The following TGFB2 variants were observed in gnomAD, a reference collection of about 807,000 sequenced individuals.
TGFB2 encodes the protein transforming growth factor beta 2.
In TGFB2, 13 loss-of-function variants were observed where a neutral mutation model predicts 42.7. The ratio of observed to expected loss-of-function variants is 0.30; its 90% CI spans 0.20 to 0.48. The LOEUF (loss-of-function observed/expected upper bound fraction) is 0.48. Ranked by LOEUF, TGFB2 falls within the 20% of genes least tolerant of loss-of-function variation. The pLI, the probability that TGFB2 is intolerant of heterozygous loss-of-function variation, is 0.99. For missense variants in TGFB2, 390 were observed against 517.5 expected, an observed-to-expected ratio of 0.75 and a Z score of 2.39; for synonymous variants, 193 against 193.6, an observed-to-expected ratio of 1.00 and a Z score of 0.03.
chr1:218,416,654 C>G (rs958496504), intron 2 of TGFB2, among the ~76,000 whole-genome samples: 1 of 152,346 alleles, frequency 6.6e-6, no homozygotes, highest in East Asian at 1.9e-4. Flanking sequence ...TTGTCCCTCA[C>G]CTGGGCCATG....
chr1:218,403,447 T>C (rs571775476), intron 1 of TGFB2, among the ~76,000 whole-genome samples: 53 of 152,346 alleles, frequency 3.5e-4, no homozygotes, highest in African/African-American at 1.2e-3. Context: ...GTTCCTAGCA[T>C]CTTTTTTTCT....
chr1:218,410,552 C>T (rs966568508), intron 2 of TGFB2, among the ~76,000 whole-genome samples: 2 of 152,196 alleles, frequency 1.3e-5, no homozygotes, highest in Non-Finnish European at 2.9e-5. Flanking sequence ...TCAAGATAGG[C>T]TTCCCATGTA....
chr1:218,422,100 ACT>A (rs1659472273), intron 2 of TGFB2, among the ~76,000 whole-genome samples: 1 of 151,886 alleles, frequency 6.6e-6, no homozygotes, highest in African/African-American at 2.4e-5. Context: ...TATCAAGCCA[ACT>A]CTCCCTAAAT....
At chr1:218,412,192 T>C (rs894152204) in intron 2 of TGFB2, among the ~76,000 whole-genome samples, 2 of 152,200 alleles carry the variant, frequency 1.3e-5, no homozygotes, top group Non-Finnish European at 2.9e-5. Context: ...ATAAGTGATA[T>C]CTGTCTATGA....
In TGFB2 at chr1:218,405,152, G is replaced by GC; in HGVS notation, c.347-14dup. Reference sequence around the variant, plus strand: ...ATGGATTTTATCATTTTCAATGATTGCCCTAATTTTTTACAGATGCCATCC... The same window carrying GC: ...ATGGATTTTATCATTTTCAATGATTGCCCCTAATTTTTTACAGATGCCATCC... On this transcript the variant is annotated splice_polypyrimidine_tract_variant and intron_variant, in intron 1 of 6. Coordinates refer to ENST00000366930, the MANE Select transcript of TGFB2 (RefSeq NM_003238.6). 1 of 1,557,918 alleles carries GC rather than the reference G, an allele frequency of 6.4e-7. No homozygotes were observed. The highest frequency in any genetic ancestry group is 1.2e-5 in the South Asian group (1 of 82,086).
intron 2 of TGFB2, among the ~76,000 whole-genome samples, chr1:218,410,894 C>T (rs536504524): frequency 5.9e-5 from 9 of 152,304 alleles, no homozygotes; most frequent in African/African-American, 2.2e-4. Context: ...GGAGAATTCT[C>T]TTCAAGTTGA....
chr1:218,397,011 T>C (rs1247913643), intron 1 of TGFB2, among the ~76,000 whole-genome samples: 1 of 152,208 alleles, frequency 6.6e-6, no homozygotes, highest in Non-Finnish European at 1.5e-5. Flanking sequence ...CTCACGCCTG[T>C]AATCCCAGCA....
intron 1 of TGFB2, among the ~76,000 whole-genome samples, chr1:218,400,838 C>A (rs1658690195): frequency 6.6e-6 from 1 of 151,996 alleles, no homozygotes. Flanking sequence ...AAAACAGTGG[C>A]CACTGGGCGG....
At chr1:218,348,285 T>C (rs776827207) in intron 1 of TGFB2, among the ~76,000 whole-genome samples, 4 of 152,190 alleles carry the variant, frequency 2.6e-5, no homozygotes, top group Admixed American at 6.5e-5. Flanking sequence ...GCTGGCTGCC[T>C]TTGCAAAGTC....
At chr1:218,359,212 T>C (rs1657135742) in intron 1 of TGFB2, among the ~76,000 whole-genome samples, 1 of 152,196 alleles carries the variant, frequency 6.6e-6, no homozygotes, top group East Asian at 1.9e-4. Flanking sequence ...TCTGTTAAAC[T>C]TCACCACCCT....
intron 1 of TGFB2, among the ~76,000 whole-genome samples, chr1:218,381,505 C>T (rs781126457): frequency 8.5e-5 from 13 of 152,068 alleles, no homozygotes; most frequent in African/African-American, 2.7e-4. Context: ...CCACCCGCCT[C>T]GGCCTCCCAA....
At chr1:218,391,485 T>A (rs1391591013) in intron 1 of TGFB2, among the ~76,000 whole-genome samples, 1 of 152,218 alleles carries the variant, frequency 6.6e-6, no homozygotes, top group East Asian at 1.9e-4. Context: ...TTGTTCCTTA[T>A]CTGTGAGTTT....
At chr1:218,402,554 G>T (rs879291678) in intron 1 of TGFB2, among the ~76,000 whole-genome samples, 2 of 152,064 alleles carry the variant, frequency 1.3e-5, no homozygotes, top group African/African-American at 4.8e-5. Flanking sequence ...GAAAAAAATG[G>T]TCCAAAGTTT....
At chr1:218,383,445 C>T (rs550401955) in intron 1 of TGFB2, among the ~76,000 whole-genome samples, 268 of 152,126 alleles carry the variant, frequency 1.8e-3, no homozygotes, top group African/African-American at 6.3e-3. Flanking sequence ...TTTTAAAATG[C>T]AATAATAGGG....
intron 1 of TGFB2, among the ~76,000 whole-genome samples, chr1:218,402,983 G>C (rs1206608046): frequency 1.3e-5 from 2 of 152,186 alleles, no homozygotes; most frequent in Non-Finnish European, 2.9e-5. Context: ...TCCAATCATG[G>C]GGGCGGGCAT....
chr1:218,415,700 A>AG (rs1491223510), intron 2 of TGFB2, among the ~76,000 whole-genome samples: 1 of 83,810 alleles, frequency 1.2e-5, no homozygotes, highest in Non-Finnish European at 2.3e-5. Context: ...GTCTCAAAAG[A>AG]AAAAAAAAAA....
At chr1:218,381,332 T>TGCA (rs1466620451) in intron 1 of TGFB2, among the ~76,000 whole-genome samples, 1 of 150,778 alleles carries the variant, frequency 6.6e-6, no homozygotes, top group African/African-American at 2.4e-5. Context: ...CTTGGCTCAC[T>TGCA]GCAAGCTCCG....
At chr1:218,435,382 G>A (rs1304662327) in intron 4 of TGFB2, among the ~76,000 whole-genome samples, 1 of 152,184 alleles carries the variant, frequency 6.6e-6, no homozygotes, top group African/African-American at 2.4e-5. Context: ...CTAAATCTCA[G>A]ATGGAATCAG....
chr1:218,428,409 C>A (rs1228018286), intron 2 of TGFB2, among the ~76,000 whole-genome samples: 2 of 152,150 alleles, frequency 1.3e-5, no homozygotes, highest in Non-Finnish European at 2.9e-5. Flanking sequence ...AAGTCCTTGC[C>A]CATGCCCATG....
Sources: allele counts gnomAD v4.1 joint callset (sites outside exome capture counted in the v4.1 genomes callset), GRCh38; gene constraint gnomAD v4.1.1; transcripts MANE v1.5; gene names NCBI Gene and HGNC (gene_info 2026-07-23, HGNC 2026-07-21).